The following CACNA1C variants were observed in gnomAD, a reference collection of about 807,000 sequenced individuals.
CACNA1C encodes the protein voltage-dependent L-type calcium channel subunit alpha-1C.
A neutral mutation model predicts 229.0 loss-of-function variants in CACNA1C; 30 were observed. The observed-to-expected ratio is 0.13, with a 90% CI of 0.10 to 0.18. CACNA1C has a LOEUF of 0.18. Among genes scored for constraint, CACNA1C ranks in the 10% least tolerant of loss-of-function variants. The pLI, the probability that CACNA1C is intolerant of heterozygous loss-of-function variation, is 1.00. For missense variants in CACNA1C, 1,658 were observed against 2,845.0 expected (o/e 0.58, Z 9.49); for synonymous variants, 1,114 against 1,132.5 (o/e 0.98, Z 0.33).
At chr12:2,549,828 T>G (rs1054818664) in intron 9 of CACNA1C, 115 bp from the exon 10 acceptor site, 8 of 737,900 alleles carry the variant, frequency 1.1e-5, no homozygotes, top group Non-Finnish European at 1.7e-5. Context: ...GCTCAGCCTC[T>G]CTTTCTGCCA....
At chr12:2,404,645 G>C (rs1211257469) in intron 3 of CACNA1C, among the ~76,000 whole-genome samples, 1 of 152,178 alleles carries the variant, frequency 6.6e-6, no homozygotes, top group Non-Finnish European at 1.5e-5. Flanking sequence ...CCAGCCAGAT[G>C]CATGGGGGGC....
At chr12:2,576,905 A>C (rs141000144) in intron 13 of CACNA1C, among the ~76,000 whole-genome samples, 193 of 152,320 alleles carry the variant, frequency 1.3e-3, no homozygotes, top group African/African-American at 4.4e-3. Context: ...CCCTATCAGC[A>C]TTCTTTGCCA....
chr12:2,610,185 A>C (rs539639196), intron 27 of CACNA1C, among the ~76,000 whole-genome samples: 97 of 152,286 alleles, frequency 6.4e-4, no homozygotes, highest in South Asian at 1.7e-3. Flanking sequence ...TGAGAAGCAC[A>C]GCTGTCAGTC....
intron 3 of CACNA1C, among the ~76,000 whole-genome samples, chr12:2,124,046 G>A (rs973817904): frequency 6.6e-6 from 1 of 151,368 alleles, no homozygotes; most frequent in African/African-American, 2.4e-5. Flanking sequence ...CTTTTTCATG[G>A]ACTCTTACAG....
At position 2,498,206 on chromosome 12, in the gene CACNA1C, G is replaced by T. The variant is rs372671692; in HGVS notation, c.1113+4820G>T. Among the ~76,000 whole-genome samples the T allele has an allele frequency of 1.3e-3, 192 of 152,308 alleles. 4 individuals carry two copies. In the South Asian group the frequency reaches 0.032, roughly 26 times the overall value. On this transcript the variant is annotated intron_variant, in intron 7 of 46. Transcript: ENST00000399655. ...GAGCTGAATTCTGCTGATGACCTAG[G>T]AGTCATTCTAAGTGAGGAGCTGAGA... is the stretch of plus-strand genomic sequence containing the variant.
chr12:2,255,499 A>G (rs2077097313), intron 3 of CACNA1C, among the ~76,000 whole-genome samples: 9 of 152,194 alleles, frequency 5.9e-5, no homozygotes. Flanking sequence ...GGTCCCTGGC[A>G]CAGCAAGAAG....
At chr12:2,430,914 A>G (rs979686568) in intron 3 of CACNA1C, among the ~76,000 whole-genome samples, 2 of 147,724 alleles carry the variant, frequency 1.4e-5, no homozygotes, top group Non-Finnish European at 3.0e-5. Flanking sequence ...CCCACTGCTG[A>G]CTCCATGTCC....
intron 1 of CACNA1C, among the ~76,000 whole-genome samples, chr12:2,099,578 C>G (rs2075566694): frequency 6.6e-6 from 1 of 152,146 alleles, no homozygotes; most frequent in Non-Finnish European, 1.5e-5. Flanking sequence ...TATACTTAAG[C>G]AACAAAACCA....
chr12:2,393,450 A>G (rs1279071091), intron 3 of CACNA1C, among the ~76,000 whole-genome samples: 1 of 152,036 alleles, frequency 6.6e-6, no homozygotes, highest in African/African-American at 2.4e-5. Flanking sequence ...AATCCTTCTC[A>G]TTTTCTGGCT....
chr12:2,665,059 A>G lies in CACNA1C; in HGVS notation c.4398+69A>G, dbSNP rs1425083630. The G allele has an allele frequency of 5.2e-6, 8 of 1,535,322 alleles. No homozygotes were observed. Among genetic ancestry groups the G allele is most frequent in the East Asian group, 2.2e-5 (1 of 44,468 alleles). ...AGTTCCAGGGCAGTCTGAACCGTCC[A>G]TCTCTGCAGCTCATGGTCAGGGCAA... On this transcript the variant is annotated intron_variant, in intron 35 of 46. Transcript: ENST00000399655. The surrounding 1 kb of genome is among the most constrained non-coding windows in gnomAD (Gnocchi z 5.9).
chr12:2,405,884 T>TA (rs1167477903), intron 3 of CACNA1C, among the ~76,000 whole-genome samples: 2 of 152,192 alleles, frequency 1.3e-5, no homozygotes, highest in Non-Finnish European at 2.9e-5. Flanking sequence ...CAAGATTCCT[T>TA]AAAAAAATCA....
At chr12:2,688,940 C>T (rs2097666004) in intron 46 of CACNA1C, among the ~76,000 whole-genome samples, 161 bp downstream of exon 46, 1 of 152,170 alleles carries the variant, frequency 6.6e-6, no homozygotes, top group Non-Finnish European at 1.5e-5. Flanking sequence ...GGCTCGTGTG[C>T]GGAAAGCCAT....
chr12:2,091,782 A>G lies in CACNA1C; in HGVS notation c.50-23442A>G, dbSNP rs557592242. On this transcript the variant is annotated intron_variant, in intron 1 of 46. Coordinates refer to ENST00000399655, the MANE Select transcript of CACNA1C (RefSeq NM_000719.7). ...CTATGTGGAAGGCAGGGGTAAGAGC[A>G]TCTTTTGTAGGGAGGGTTCTTATTC... 5.9e-5 allele frequency among the ~76,000 whole-genome samples: 9 copies of G among 152,352 alleles called. No homozygotes were observed. In the East Asian group the frequency reaches 7.7e-4, roughly 13 times the overall value.
chr12:2,662,274 A>C (rs900049643), intron 34 of CACNA1C, among the ~76,000 whole-genome samples: 1 of 141,724 alleles, frequency 7.1e-6, no homozygotes, highest in African/African-American at 3.1e-5. Context: ...AAAATAAATC[A>C]AAGGATAAGA....
At chr12:2,007,780 T>C (rs1170987043) in intron 1 of CACNA1C, among the ~76,000 whole-genome samples, 1 of 152,194 alleles carries the variant, frequency 6.6e-6, no homozygotes, top group African/African-American at 2.4e-5. Context: ...TGCCCATCTG[T>C]CTTCTTAGCT....
chr12:2,177,179 T>G (rs2096671640), intron 3 of CACNA1C, among the ~76,000 whole-genome samples: 1 of 152,114 alleles, frequency 6.6e-6, no homozygotes, highest in Admixed American at 6.5e-5. Context: ...TGTAACTCTC[T>G]CCTATCAAAG....
chr12:2,450,855 C>T (rs1005441066), intron 4 of CACNA1C, among the ~76,000 whole-genome samples: 6 of 152,094 alleles, frequency 3.9e-5, no homozygotes, highest in Admixed American at 6.5e-5. Flanking sequence ...CCATTGTGGA[C>T]GTCTCCAGAG....
chr12:2,164,067 C>G (rs1027139656), intron 3 of CACNA1C, among the ~76,000 whole-genome samples: 1 of 152,210 alleles, frequency 6.6e-6, no homozygotes, highest in African/African-American at 2.4e-5. Context: ...CTCCCCTCCT[C>G]TATCTAAACC....
At chr12:2,355,455 G>T (rs2097333972) in intron 3 of CACNA1C, among the ~76,000 whole-genome samples, 1 of 152,078 alleles carries the variant, frequency 6.6e-6, no homozygotes, top group African/African-American at 2.4e-5. Flanking sequence ...GTTCACTGTA[G>T]CCTGCAGGTT....
Sources: allele counts gnomAD v4.1 joint callset (sites outside exome capture counted in the v4.1 genomes callset), GRCh38; gene constraint gnomAD v4.1.1; non-coding constraint Gnocchi (gnomAD v3.1); transcripts MANE v1.5; gene names NCBI Gene and HGNC (gene_info 2026-07-23, HGNC 2026-07-21).